Variants in PPP3R1 observed in about 807,000 individuals in gnomAD.
The protein encoded by PPP3R1 is calcineurin subunit B type 1.
A neutral mutation model predicts 22.6 loss-of-function variants in PPP3R1; 5 were observed. The ratio of observed to expected loss-of-function variants is 0.22; its 90% CI spans 0.12 to 0.46. The LOEUF (loss-of-function observed/expected upper bound fraction) is 0.46, where lower values mean the gene tolerates loss of function less well. Among genes scored for constraint, PPP3R1 ranks in the 20% least tolerant of loss-of-function variants. The pLI is 0.99. For synonymous variants in PPP3R1, 56 were observed against 65.2 expected (o/e 0.86, Z 0.68); for missense variants, 61 against 203.2 (o/e 0.30, Z 4.25).
chr2:68,188,171 A>G (rs1572951476), intron 3 of PPP3R1, among the ~76,000 whole-genome samples: 4 of 152,272 alleles, frequency 2.6e-5, no homozygotes, highest in Admixed American at 2.6e-4. Flanking sequence ...CTCCATCTCA[A>G]AAAAATTAAA....
At chr2:68,228,223 G>A (rs1458768407) in intron 1 of PPP3R1, among the ~76,000 whole-genome samples, 2 of 151,984 alleles carry the variant, frequency 1.3e-5, no homozygotes, top group Non-Finnish European at 2.9e-5. Flanking sequence ...AACCAGCCTT[G>A]CACCCATAAA....
intron 1 of PPP3R1, among the ~76,000 whole-genome samples, chr2:68,235,981 T>A (rs1002833736): frequency 1.3e-5 from 2 of 152,182 alleles, no homozygotes; most frequent in Non-Finnish European, 1.5e-5. Context: ...CATCTTCATA[T>A]CTTCTCTGGA....
At chr2:68,203,494 G>C (rs534977879) in intron 2 of PPP3R1, among the ~76,000 whole-genome samples, 5 of 151,978 alleles carry the variant, frequency 3.3e-5, no homozygotes. Context: ...CCAGCTACTC[G>C]GGAGGCTGAG....
chr2:68,187,820 A>G (rs980999173), intron 3 of PPP3R1, among the ~76,000 whole-genome samples: 4 of 152,168 alleles, frequency 2.6e-5, no homozygotes, highest in Non-Finnish European at 1.5e-5. Context: ...AAACTAAAAT[A>G]AAATCTATTG....
intron 1 of PPP3R1, among the ~76,000 whole-genome samples, chr2:68,232,122 T>TACACACAC (rs1165774321): frequency 0.12 from 5,624 of 48,038 alleles, 407 homozygotes; most frequent in Middle Eastern, 0.28. Flanking sequence ...TATATATATA[T>TACACACAC]ATACACACAC....
intron 2 of PPP3R1, among the ~76,000 whole-genome samples, chr2:68,216,566 A>C (rs935836696): frequency 6.6e-6 from 1 of 152,168 alleles, no homozygotes; most frequent in Non-Finnish European, 1.5e-5. Flanking sequence ...AAGCCCCAAC[A>C]GTGGCTGCAT....
chr2:68,187,062 C>T (rs1674561077), intron 4 of PPP3R1, among the ~76,000 whole-genome samples, 193 bp downstream of exon 4: 1 of 152,108 alleles, frequency 6.6e-6, no homozygotes, highest in Non-Finnish European at 1.5e-5. Context: ...CAACTAAAAG[C>T]AGCAATGACA....
intron 1 of PPP3R1, among the ~76,000 whole-genome samples, chr2:68,229,769 G>A (rs1022797290): frequency 6.6e-6 from 1 of 151,770 alleles, no homozygotes; most frequent in Non-Finnish European, 1.5e-5. Flanking sequence ...CTTTCAACAT[G>A]CCTATATTGT....
At chr2:68,187,848 T>G (rs1224659128) in intron 3 of PPP3R1, among the ~76,000 whole-genome samples, 1 of 143,784 alleles carries the variant, frequency 7.0e-6, no homozygotes, top group Non-Finnish European at 1.5e-5. Context: ...CCTTGTGAAA[T>G]GTTTATTTAC....
At chr2:68,244,276 A>G (rs1670191847) in intron 1 of PPP3R1, among the ~76,000 whole-genome samples, 1 of 152,212 alleles carries the variant, frequency 6.6e-6, no homozygotes, top group African/African-American at 2.4e-5. Flanking sequence ...TCACTGACCA[A>G]CTGCTGCCTT....
At chr2:68,232,153 A>AATATG (rs1669921740) in intron 1 of PPP3R1, among the ~76,000 whole-genome samples, 1 of 132,740 alleles carries the variant, frequency 7.5e-6, no homozygotes, top group East Asian at 2.2e-4. Flanking sequence ...ATATGTATAT[A>AATATG]TATATACATA....
chr2:68,224,169 G>C (rs548993875), intron 1 of PPP3R1, among the ~76,000 whole-genome samples: 4 of 152,218 alleles, frequency 2.6e-5, no homozygotes, highest in Non-Finnish European at 2.9e-5. Context: ...AGATCAGAAG[G>C]CTCAATGTTG....
chr2:68,183,628 A>C (rs6714195), intron 5 of PPP3R1, among the ~76,000 whole-genome samples: 5,577 of 152,258 alleles, frequency 0.037, 392 homozygotes, highest in African/African-American at 0.13. Flanking sequence ...TTTTTTATAT[A>C]TTATCCAACT....
At chr2:68,238,082 T>C (rs992682642) in intron 1 of PPP3R1, among the ~76,000 whole-genome samples, 2 of 152,128 alleles carry the variant, frequency 1.3e-5, no homozygotes, top group East Asian at 3.8e-4. Flanking sequence ...CCTAACACAC[T>C]GGGGGTTTTC....
chr2:68,240,224 A>G (rs1051469533), intron 1 of PPP3R1, among the ~76,000 whole-genome samples: 1 of 152,178 alleles, frequency 6.6e-6, no homozygotes, highest in African/African-American at 2.4e-5. Flanking sequence ...AATGACTCAA[A>G]TAAGACAAAC....
At chr2:68,207,549 A>G (rs1025294137) in intron 2 of PPP3R1, among the ~76,000 whole-genome samples, 9 of 152,152 alleles carry the variant, frequency 5.9e-5, no homozygotes, top group African/African-American at 1.7e-4. Flanking sequence ...GCCCTAGGAC[A>G]TTTTTCTCTG....
At chr2:68,227,049 T>C (rs567671427) in intron 1 of PPP3R1, among the ~76,000 whole-genome samples, 3 of 152,190 alleles carry the variant, frequency 2.0e-5, no homozygotes, top group East Asian at 3.9e-4. Flanking sequence ...TAGATAAAGA[T>C]GTCTAAATAT....
intron 1 of PPP3R1, among the ~76,000 whole-genome samples, chr2:68,242,914 G>A (rs1459369474): frequency 6.6e-6 from 1 of 152,092 alleles, no homozygotes; most frequent in Non-Finnish European, 1.5e-5. Context: ...TTGTAACTAG[G>A]TTTTAAAATG....
chr2:68,206,314 GC>G (rs1675124684), intron 2 of PPP3R1, among the ~76,000 whole-genome samples: 1 of 152,138 alleles, frequency 6.6e-6, no homozygotes, highest in African/African-American at 2.4e-5. Context: ...CAGGGGAAGG[GC>G]TAACCATGAA....
Sources: gnomAD v4.1 joint callset for allele counts (sites outside exome capture counted in the v4.1 genomes callset) on GRCh38, gnomAD v4.1.1 for gene constraint, MANE v1.5 for transcripts, NCBI Gene and HGNC (gene_info 2026-07-23, HGNC 2026-07-21) for gene names.